Variants in SMCO2 observed in about 807,000 individuals in gnomAD.
SMCO2 encodes the protein single-pass membrane protein with coiled-coil domains 2.
In SMCO2, 25 loss-of-function variants were observed where a neutral mutation model predicts 29.5. The observed-to-expected ratio is 0.85, with a 90% CI of 0.62 to 1.18. The LOEUF is 1.18. Ranked by LOEUF, SMCO2 falls within the 50% of genes most tolerant of loss-of-function variation. The pLI is 0.00. For synonymous variants in SMCO2, 117 were observed against 123.3 expected, an observed-to-expected ratio of 0.95 and a Z score of 0.34; for missense variants, 348 against 344.5, an observed-to-expected ratio of 1.01 and a Z score of -0.08.
At chr12:27,495,585 A>G (rs970807609) in intron 6 of SMCO2, 95 bp from the exon 8 acceptor site, 4 of 1,217,854 alleles carry the variant, frequency 3.3e-6, no homozygotes, top group African/African-American at 1.6e-5. Flanking sequence ...TGGGCCCCCA[A>G]GGTGATCCAG....
At chr12:27,461,624 T>C in the SMCO2 span, among the ~76,000 whole-genome samples, 1 of 152,384 alleles carries the variant, frequency 6.6e-6, no homozygotes, top group Middle Eastern at 3.4e-3. Context: ...TATTTACTTA[T>C]ATAAATGTGT....
chr12:27,470,444 T>C (rs779590087), intron 1 of SMCO2, among the ~76,000 whole-genome samples, 178 bp from the exon 2 acceptor site: 11 of 152,136 alleles, frequency 7.2e-5, no homozygotes, highest in Non-Finnish European at 1.3e-4. Flanking sequence ...TTCTCATATA[T>C]ACTTGAGAAG....
chr12:27,481,092 G>C (rs574005692), intron 4 of SMCO2, among the ~76,000 whole-genome samples: 1 of 152,294 alleles, frequency 6.6e-6, no homozygotes, highest in African/African-American at 2.4e-5. Context: ...TGATACTGCA[G>C]CTCTGGGTGC....
the SMCO2 span, among the ~76,000 whole-genome samples, chr12:27,447,321 T>G: frequency 1.3e-5 from 2 of 152,176 alleles, no homozygotes; most frequent in Non-Finnish European, 2.9e-5. Flanking sequence ...CATAAGGCTT[T>G]GCCCATTCTG....
intron 3 of SMCO2, chr12:27,473,123 TTA>T (rs984696087): frequency 5.0e-6 from 2 of 396,550 alleles, no homozygotes; most frequent in African/African-American, 4.1e-5. Flanking sequence ...AAAAAGTGAA[TTA>T]TATGTTATTT....
the SMCO2 span, among the ~76,000 whole-genome samples, chr12:27,434,474 C>T: frequency 6.6e-6 from 1 of 152,108 alleles, no homozygotes; most frequent in Non-Finnish European, 1.5e-5. Context: ...GACAGCTTTC[C>T]AAATATAACA....
At chr12:27,430,798 A>G in the SMCO2 span, among the ~76,000 whole-genome samples, 1 of 152,270 alleles carries the variant, frequency 6.6e-6, no homozygotes, top group South Asian at 2.1e-4. Context: ...TTTACACACA[A>G]GCAAACTGGG....
intron 7 of SMCO2, among the ~76,000 whole-genome samples, chr12:27,496,660 A>G (rs1943007616): frequency 1.3e-5 from 2 of 150,518 alleles, no homozygotes; most frequent in Admixed American, 1.3e-4. Flanking sequence ...TTGATTCTTT[A>G]TCTCCAACCA....
At chr12:27,473,962 A>G (rs1949562821) in intron 3 of SMCO2, among the ~76,000 whole-genome samples, 1 of 152,272 alleles carries the variant, frequency 6.6e-6, no homozygotes, top group Non-Finnish European at 1.5e-5. Context: ...CAAAGAATAC[A>G]GAAACAAAAA....
the SMCO2 span, chr12:27,425,100 C>G: frequency 6.6e-6 from 1 of 152,122 alleles, no homozygotes; most frequent in Non-Finnish European, 1.5e-5. Flanking sequence ...GTGTATGTCA[C>G]TTCTCATATA....
chr12:27,460,149 TA>T, the SMCO2 span, among the ~76,000 whole-genome samples: 348 of 152,316 alleles, frequency 2.3e-3, no homozygotes, highest in African/African-American at 8.0e-3. Context: ...TCTTTATCTG[TA>T]AAATGGAGAC....
chr12:27,471,725 A>C (rs890272637), intron 2 of SMCO2, among the ~76,000 whole-genome samples: 2 of 152,194 alleles, frequency 1.3e-5, no homozygotes, highest in Non-Finnish European at 2.9e-5. Context: ...AAATGAGACT[A>C]ACACTAAATG....
chr12:27,439,232 G>A, the SMCO2 span, among the ~76,000 whole-genome samples: 1 of 152,170 alleles, frequency 6.6e-6, no homozygotes, highest in African/African-American at 2.4e-5. Context: ...TGGCTGTTAG[G>A]AGGTATGTTC....
intron 7 of SMCO2, among the ~76,000 whole-genome samples, chr12:27,501,391 G>C (rs1403892019): frequency 7.8e-6 from 1 of 128,956 alleles, no homozygotes; most frequent in Admixed American, 8.3e-5. Context: ...AGTCCAGCTT[G>C]GGCGAAAGAG....
In SMCO2 at chr12:27,501,912, T is replaced by C. The variant is rs953862673; in HGVS notation, c.684-11T>C. On this transcript the variant is annotated splice_polypyrimidine_tract_variant and intron_variant, in intron 7 of 7. Coordinates refer to ENST00000298876, the Ensembl canonical transcript of SMCO2. ...GAATTTGGTTAACACAGATGTTTTC[T>C]CTCTTTGTAGGAAACGTGCACTGAG... The C allele has an allele frequency of 2.4e-5, 36 of 1,510,872 alleles. No individual in the cohort carries two copies. Among genetic ancestry groups the C allele is most frequent in the Non-Finnish European group, 3.2e-5 (36 of 1,128,470 alleles). 93.6% of individuals were successfully genotyped at this position (1,510,872 alleles called of 1,614,324 possible).
chr12:27,444,193 G>A, the SMCO2 span, among the ~76,000 whole-genome samples: 10 of 152,164 alleles, frequency 6.6e-5, no homozygotes, highest in East Asian at 1.9e-4. Flanking sequence ...ATAAATCCAC[G>A]CATTTACAAC....
At chr12:27,437,415 T>G in the SMCO2 span, among the ~76,000 whole-genome samples, 2 of 152,178 alleles carry the variant, frequency 1.3e-5, no homozygotes, top group East Asian at 1.9e-4. Flanking sequence ...TTGGACTTTT[T>G]AGGTAAAGCA....
intron 4 of SMCO2, among the ~76,000 whole-genome samples, 152 bp from the exon 6 acceptor site, chr12:27,488,308 T>C (rs1036957090): frequency 6.6e-6 from 1 of 152,214 alleles, no homozygotes. Flanking sequence ...TTTTACTTTT[T>C]TGAATTTCAT....
At chr12:27,436,747 C>T in the SMCO2 span, among the ~76,000 whole-genome samples, 3 of 152,182 alleles carry the variant, frequency 2.0e-5, no homozygotes, top group African/African-American at 7.2e-5. Context: ...CAGGTATGTT[C>T]CTGGTGAGCT....
Sources: allele counts gnomAD v4.1 joint callset (sites outside exome capture counted in the v4.1 genomes callset), GRCh38; gene constraint gnomAD v4.1.1; transcripts MANE v1.5; gene names NCBI Gene and HGNC (gene_info 2026-07-23, HGNC 2026-07-21).